Variants in SRGAP2 observed in about 807,000 individuals in gnomAD.
The protein encoded by SRGAP2 is SLIT-ROBO Rho GTPase-activating protein 2.
In SRGAP2, 15 loss-of-function variants were observed where a neutral mutation model predicts 57.2. That is an observed-to-expected ratio of 0.26 (90% CI 0.18 to 0.40). SRGAP2 has a LOEUF of 0.40. SRGAP2 is among the 10% of genes least tolerant of loss of function. SRGAP2 has a pLI of 1.00. For missense variants in SRGAP2, 520 were observed against 669.6 expected, an observed-to-expected ratio of 0.78 and a Z score of 2.47; for synonymous variants, 249 against 248.0, an observed-to-expected ratio of 1.00 and a Z score of -0.04.
chr1:206,308,771 A>G (rs1672405153), intron 3 of SRGAP2, among the ~76,000 whole-genome samples: 1 of 152,058 alleles, frequency 6.6e-6, no homozygotes. Flanking sequence ...TTCCTGCCTG[A>G]TCGTATTCTG....
rs1362739399 is a variant in SRGAP2 at position 206,462,288 on chromosome 1, A to C, written c.*868A>C. 1 of 152,524 alleles carries C rather than the reference A, an allele frequency of 6.6e-6. No individual in the cohort carries two copies. Among genetic ancestry groups the C allele is most frequent in the Non-Finnish European group, 1.5e-5 (1 of 68,022 alleles). The allele number at this position is 152,524 out of a possible 1,614,324, so 9.4% of individuals were successfully genotyped here. A position where few individuals can be genotyped will look rare whatever the true frequency, so the allele number is the denominator to read the frequency against. On this transcript the variant is annotated 3_prime_UTR_variant, in exon 23 of 23. Transcript: ENST00000573034. The stretch of plus-strand genomic sequence containing the variant: ...ATGTATAGACATTTCTCGGGTTCCT[A>C]CCTTTGTCTCTGATGGACCATTTTC...
In SRGAP2 at chr1:206,462,334, A is replaced by T. The variant is rs547826147; in HGVS notation, c.*914A>T. On this transcript the variant is annotated 3_prime_UTR_variant, in exon 23 of 23. Transcript: ENST00000573034. ...TTTTCCATTTAAGACATTTTCCTGT[A>T]TAAGACAGTTTTATAGCTGGTTCCT... 1 of 152,722 alleles carries T rather than the reference A, an allele frequency of 6.5e-6. No individual in the cohort carries two copies. The highest frequency in any genetic ancestry group is 2.4e-5 in the African/African-American group (1 of 41,554). 9.5% of individuals were successfully genotyped at this position (152,722 alleles called of 1,614,324 possible). A position where few individuals can be genotyped will look rare whatever the true frequency, so the allele number is the denominator to read the frequency against.
chr1:206,414,886 A>G (rs1659550097), intron 10 of SRGAP2, among the ~76,000 whole-genome samples: 1 of 152,240 alleles, frequency 6.6e-6, no homozygotes. Context: ...CTGCATGCAT[A>G]AAGCATTAAT....
At chr1:206,376,256 T>G (rs1403881207) in intron 4 of SRGAP2, among the ~76,000 whole-genome samples, 1 of 152,102 alleles carries the variant, frequency 6.6e-6, no homozygotes, top group African/African-American at 2.4e-5. Flanking sequence ...TTTTTTGTTT[T>G]CTTTCCTCAG....
intron 13 of SRGAP2, among the ~76,000 whole-genome samples, 184 bp downstream of exon 13, chr1:206,421,458 G>A (rs906756085): frequency 2.6e-5 from 4 of 152,196 alleles, no homozygotes; most frequent in African/African-American, 9.7e-5. Context: ...AGTTGGAGTG[G>A]CCATAGTCTT....
intron 3 of SRGAP2, among the ~76,000 whole-genome samples, chr1:206,322,384 T>A (rs1262913949): frequency 3.4e-5 from 5 of 146,968 alleles, no homozygotes; most frequent in African/African-American, 1.3e-4. Flanking sequence ...CCATCCTGGC[T>A]AACACGGTGA....
At chr1:206,372,968 T>C (rs1219834030) in intron 4 of SRGAP2, among the ~76,000 whole-genome samples, 2,393 of 16,984 alleles carry the variant, frequency 0.14, 428 homozygotes, top group South Asian at 0.22. Flanking sequence ...TTCTTTCCTT[T>C]CTTTCTTTCT....
intron 2 of SRGAP2, among the ~76,000 whole-genome samples, chr1:206,220,619 A>G (rs1275709828): frequency 2.0e-5 from 3 of 152,226 alleles, no homozygotes; most frequent in Non-Finnish European, 4.4e-5. Context: ...ATCTTGTTCC[A>G]GTGACCCAAT....
At chr1:206,423,373 AT>A (rs1553365045) in intron 13 of SRGAP2, among the ~76,000 whole-genome samples, 1 of 152,098 alleles carries the variant, frequency 6.6e-6, no homozygotes. Flanking sequence ...TTCCCTAAGC[AT>A]TCTTTTGTTC....
At chr1:206,278,836 T>G (rs1175141856) in intron 2 of SRGAP2, among the ~76,000 whole-genome samples, 1 of 139,140 alleles carries the variant, frequency 7.2e-6, no homozygotes, top group Non-Finnish European at 1.5e-5. Flanking sequence ...GAGCCCTAAG[T>G]GTGCTTGGTG....
intron 11 of SRGAP2, among the ~76,000 whole-genome samples, chr1:206,416,995 C>T (rs1226747356): frequency 2.0e-5 from 3 of 152,170 alleles, no homozygotes; most frequent in Non-Finnish European, 4.4e-5. Context: ...AGCCTCACTT[C>T]TTATTATACC....
intron 11 of SRGAP2, among the ~76,000 whole-genome samples, chr1:206,418,537 C>T (rs1659956244): frequency 1.3e-5 from 2 of 152,244 alleles, no homozygotes; most frequent in Non-Finnish European, 2.9e-5. Flanking sequence ...AGATCTAAAA[C>T]AGATTGAGCT....
At position 206,333,965 on chromosome 1, in the gene SRGAP2, A is replaced by G. The variant is rs1313191516; in HGVS notation, c.261-8881A>G. Among the ~76,000 whole-genome samples, 16 of 152,338 alleles carry G rather than the reference A, an allele frequency of 1.1e-4. 1 individual carries two copies. The highest frequency in any genetic ancestry group is 3.8e-4 in the African/African-American group (16 of 41,580). On this transcript the variant is annotated intron_variant, in intron 3 of 22. Coordinates refer to ENST00000573034, the MANE Select transcript of SRGAP2 (RefSeq NM_015326.5). ...CCCTTTAAAGTTTTGCCAGTAAAGTATCAACATGGTTAATAATATGCTGTA... is the reference window on the plus strand; with the variant it reads ...CCCTTTAAAGTTTTGCCAGTAAAGTGTCAACATGGTTAATAATATGCTGTA...
chr1:206,436,869 A>G (rs1287022280), intron 14 of SRGAP2, 96 bp from the exon 15 acceptor site: 7 of 759,652 alleles, frequency 9.2e-6, no homozygotes, highest in African/African-American at 5.1e-5. Context: ...GCTTAAATAC[A>G]TGCTGGCTGG....
At chr1:206,331,875 C>G (rs1394853155) in intron 3 of SRGAP2, among the ~76,000 whole-genome samples, 14 of 61,940 alleles carry the variant, frequency 2.3e-4, no homozygotes, top group Non-Finnish European at 3.2e-4. Context: ...TGATTTTGCT[C>G]GTTAGTTGAT....
intron 2 of SRGAP2, among the ~76,000 whole-genome samples, chr1:206,286,662 G>C (rs1671042091): frequency 1.3e-5 from 2 of 152,220 alleles, no homozygotes; most frequent in African/African-American, 4.8e-5. Context: ...GCATAATAGA[G>C]AGTGTCGGGG....
intron 5 of SRGAP2, among the ~76,000 whole-genome samples, chr1:206,384,875 G>GC: frequency 6.7e-6 from 1 of 148,852 alleles, no homozygotes; most frequent in Non-Finnish European, 1.5e-5. Flanking sequence ...CCTTTCAGGG[G>GC]CCCCTTCTCC....
At chr1:206,208,817 G>T (rs1206189527) in intron 2 of SRGAP2, among the ~76,000 whole-genome samples, 2 of 151,926 alleles carry the variant, frequency 1.3e-5, no homozygotes, top group Non-Finnish European at 2.9e-5. Flanking sequence ...ATGCAGTTTG[G>T]TTTGGTTGTT....
chr1:206,429,310 C>T (rs1426375488), intron 13 of SRGAP2, among the ~76,000 whole-genome samples: 2 of 152,346 alleles, frequency 1.3e-5, no homozygotes. Flanking sequence ...ACCAAACAAA[C>T]CCTCTTTCTG....
Sources: gnomAD v4.1 joint callset for allele counts (sites outside exome capture counted in the v4.1 genomes callset) on GRCh38, gnomAD v4.1.1 for gene constraint, MANE v1.5 for transcripts, NCBI Gene and HGNC (gene_info 2026-07-23, HGNC 2026-07-21) for gene names.